THSD4: variants seen among roughly 807,000 people sequenced by gnomAD.
THSD4 encodes the protein thrombospondin type-1 domain-containing protein 4.
A neutral mutation model predicts 119.0 loss-of-function variants in THSD4; 69 were observed. That is an observed-to-expected ratio of 0.58 (90% CI 0.48 to 0.71). The LOEUF is 0.71. THSD4 is among the 30% of genes least tolerant of loss of function. THSD4 has a pLI of 0.00. For synonymous variants in THSD4, 524 were observed against 540.4 expected, an observed-to-expected ratio of 0.97 and a Z score of 0.42; for missense variants, 1,393 against 1,391.1, an observed-to-expected ratio of 1.00 and a Z score of -0.02.
At chr15:71,266,194 C>T (rs928006372) in intron 6 of THSD4, among the ~76,000 whole-genome samples, 1 of 152,182 alleles carries the variant, frequency 6.6e-6, no homozygotes, top group East Asian at 1.9e-4. Context: ...TTGACAGACA[C>T]CTCATACAGG....
chr15:71,245,022 TC>T (rs373175627), intron 5 of THSD4, among the ~76,000 whole-genome samples: 3 of 152,272 alleles, frequency 2.0e-5, no homozygotes, highest in African/African-American at 7.2e-5. Flanking sequence ...AGGGTTGTTC[TC>T]CCCATGTAGA....
Position 71,115,599 on chromosome 15 carries a change from C to G in THSD4, c.-179C>G, listed in dbSNP as rs1042714754. ...GGGGCGGCTGGGCGGCGGTGGCGGC[C>G]GTCCATGCGGCGGCGCTCGGGGCTG... On this transcript the variant is annotated 5_prime_UTR_variant, in exon 1 of 18. Coordinates refer to ENST00000261862, the MANE Select transcript of THSD4 (RefSeq NM_024817.3). The surrounding 1 kb of genome is among the most constrained non-coding windows in gnomAD (Gnocchi z 4.4). 6.7e-6 allele frequency: 1 copy of G among 148,194 alleles called. No individual in the cohort carries two copies. Among genetic ancestry groups the G allele is most frequent in the Non-Finnish European group, 1.5e-5 (1 of 66,530 alleles). The allele number at this position is 148,194 out of a possible 1,614,324, so 9.2% of individuals were successfully genotyped here. A position where few individuals can be genotyped will look rare whatever the true frequency, so the allele number is the denominator to read the frequency against.
chr15:71,335,996 C>T (rs572370823), intron 6 of THSD4, among the ~76,000 whole-genome samples: 27 of 152,026 alleles, frequency 1.8e-4, no homozygotes, highest in African/African-American at 6.3e-4. Flanking sequence ...AGAACACAGT[C>T]AATGAAAAAA....
At chr15:71,768,560 ATTTTTTT>A (rs964263863) in intron 16 of THSD4, among the ~76,000 whole-genome samples, 19 of 99,282 alleles carry the variant, frequency 1.9e-4, no homozygotes, top group Non-Finnish European at 2.1e-4. Context: ...GCAGATCCTG[ATTTTTTT>A]TTTTTTTTTT....
chr15:71,701,674 A>G (rs1289417991), intron 8 of THSD4, among the ~76,000 whole-genome samples: 1 of 152,174 alleles, frequency 6.6e-6, no homozygotes, highest in Non-Finnish European at 1.5e-5. Context: ...TGGTGGGCTA[A>G]AAAAATTATA....
At chr15:71,611,554 G>A (rs2050228845) in intron 7 of THSD4, among the ~76,000 whole-genome samples, 1 of 152,144 alleles carries the variant, frequency 6.6e-6, no homozygotes, top group South Asian at 2.1e-4. Context: ...CTAAGCACTG[G>A]GGACCCCCAA....
At chr15:71,230,046 G>A (rs1205647017) in intron 4 of THSD4, among the ~76,000 whole-genome samples, 1 of 152,172 alleles carries the variant, frequency 6.6e-6, no homozygotes, top group Non-Finnish European at 1.5e-5. Context: ...GTATTCAGCA[G>A]AACTTACTGC....
At chr15:71,272,789 G>A (rs924055351) in intron 6 of THSD4, among the ~76,000 whole-genome samples, 4 of 152,002 alleles carry the variant, frequency 2.6e-5, no homozygotes, top group Middle Eastern at 3.4e-3. Flanking sequence ...ACTTGAACCC[G>A]GGAGGCGGAG....
chr15:71,252,956 C>T (rs765874852), intron 5 of THSD4, among the ~76,000 whole-genome samples: 9 of 152,210 alleles, frequency 5.9e-5, no homozygotes, highest in African/African-American at 1.4e-4. Flanking sequence ...CCCACTTCCA[C>T]GTCCGGGCCC....
chr15:71,498,009 A>T (rs11635579), intron 7 of THSD4, among the ~76,000 whole-genome samples: 1 of 152,150 alleles, frequency 6.6e-6, no homozygotes, highest in Non-Finnish European at 1.5e-5. Flanking sequence ...GGTGGGTTAT[A>T]AGTGATTCTC....
chr15:71,179,976 ACT>A (rs2043491913), intron 3 of THSD4, among the ~76,000 whole-genome samples: 2 of 93,790 alleles, frequency 2.1e-5, no homozygotes, highest in East Asian at 6.7e-4. Flanking sequence ...GGAATATCAC[ACT>A]CTGGGGACTG....
chr15:71,144,895 T>C (rs1259013856), intron 2 of THSD4, among the ~76,000 whole-genome samples: 1 of 152,160 alleles, frequency 6.6e-6, no homozygotes, highest in Non-Finnish European at 1.5e-5. Flanking sequence ...TGGACCAAAG[T>C]GTAGGCTAAT....
chr15:71,627,827 A>G (rs2050538408), intron 7 of THSD4, among the ~76,000 whole-genome samples: 1 of 152,196 alleles, frequency 6.6e-6, no homozygotes, highest in African/African-American at 2.4e-5. Context: ...TTTCAAGCAG[A>G]GCATCTCCTG....
intron 16 of THSD4, among the ~76,000 whole-genome samples, chr15:71,766,051 C>A (rs904550536): frequency 1.3e-4 from 20 of 151,852 alleles, no homozygotes; most frequent in African/African-American, 4.8e-4. Context: ...ATCTTGTGGC[C>A]CTCTAAGTCT....
chr15:71,287,613 G>T (rs983608000), intron 6 of THSD4, among the ~76,000 whole-genome samples: 2 of 152,186 alleles, frequency 1.3e-5, no homozygotes, highest in Non-Finnish European at 2.9e-5. Flanking sequence ...CTTAAAACCA[G>T]ATAGAAACTT....
At chr15:71,230,886 G>C (rs2044055385) in intron 4 of THSD4, among the ~76,000 whole-genome samples, 1 of 152,108 alleles carries the variant, frequency 6.6e-6, no homozygotes, top group African/African-American at 2.4e-5. Context: ...TCTTCCTCTG[G>C]TCAGATTCAT....
At chr15:71,550,817 T>C in intron 7 of THSD4, among the ~76,000 whole-genome samples, 1 of 152,222 alleles carries the variant, frequency 6.6e-6, no homozygotes, top group South Asian at 2.1e-4. Context: ...AGGTTTCTTT[T>C]CATGGTGATG....
At chr15:71,381,092 G>A (rs956276504) in intron 6 of THSD4, among the ~76,000 whole-genome samples, 13 of 152,038 alleles carry the variant, frequency 8.6e-5, no homozygotes, top group African/African-American at 3.1e-4. Context: ...GCTTAGAATA[G>A]TCACCACACT....
chr15:71,182,743 T>C (rs1422344117), intron 3 of THSD4, among the ~76,000 whole-genome samples: 1 of 151,644 alleles, frequency 6.6e-6, no homozygotes, highest in Non-Finnish European at 1.5e-5. Flanking sequence ...GTGGTCTATC[T>C]TTTCCTCCCA....
Sources: gnomAD v4.1 joint callset for allele counts (sites outside exome capture counted in the v4.1 genomes callset) on GRCh38, gnomAD v4.1.1 for gene constraint, Gnocchi (gnomAD v3.1) non-coding constraint, MANE v1.5 for transcripts, NCBI Gene and HGNC (gene_info 2026-07-23, HGNC 2026-07-21) for gene names.